Variants in SEMA5A observed in about 807,000 individuals in gnomAD.
SEMA5A encodes the protein semaphorin 5A.
Under a neutral mutation model 135.5 loss-of-function variants are expected in SEMA5A, and 55 were observed. The ratio of observed to expected loss-of-function variants is 0.41; its 90% CI spans 0.33 to 0.51. The LOEUF (loss-of-function observed/expected upper bound fraction) is 0.51, where lower values mean the gene tolerates loss of function less well. Among genes scored for constraint, SEMA5A ranks in the 20% least tolerant of loss-of-function variants. The pLI is 0.37. For synonymous variants in SEMA5A, 580 were observed against 546.5 expected (o/e 1.06, Z -0.85); for missense variants, 1,290 against 1,419.9 (o/e 0.91, Z 1.47).
At chr5:9,385,804 T>TTTA (rs910014440) in intron 2 of SEMA5A, among the ~76,000 whole-genome samples, 1 of 148,996 alleles carries the variant, frequency 6.7e-6, no homozygotes, top group African/African-American at 2.5e-5. Flanking sequence ...CTTTTTTTTT[T>TTTA]TTTTTTTTTT....
rs765589898 is a variant in SEMA5A, at chr5:9,136,655, T to A, written c.1482-34A>T. The A allele has an allele frequency of 3.8e-6, 6 of 1,561,516 alleles. No homozygotes were observed. The African/African-American group carries it at 8.1e-5, about 21-fold the overall frequency. On this transcript the variant is annotated intron_variant, in intron 12 of 22. Coordinates refer to ENST00000382496, the MANE Select transcript of SEMA5A (RefSeq NM_003966.3). The stretch of plus-strand genomic sequence containing the variant: ...ACACACCAAATGGTCAACAGAAAGG[T>A]CGCTTTACCCATGATAAGATACACA...
chr5:9,398,020 C>A (rs576347294), intron 2 of SEMA5A, among the ~76,000 whole-genome samples: 5 of 152,150 alleles, frequency 3.3e-5, no homozygotes, highest in African/African-American at 7.2e-5. Context: ...AGCTGATCCA[C>A]GCTATCATCT....
intron 15 of SEMA5A, among the ~76,000 whole-genome samples, chr5:9,117,149 T>C (rs989816841): frequency 6.6e-6 from 1 of 152,236 alleles, no homozygotes; most frequent in Non-Finnish European, 1.5e-5. Context: ...ACTTGTCATC[T>C]TTATTGAAGA....
intron 1 of SEMA5A, among the ~76,000 whole-genome samples, chr5:9,443,804 G>A (rs1036183624): frequency 1.4e-4 from 22 of 152,382 alleles, no homozygotes; most frequent in African/African-American, 5.3e-4. Flanking sequence ...AACGTCTGCT[G>A]CCAGCTACCA....
At chr5:9,213,376 G>C (rs982166700) in intron 8 of SEMA5A, among the ~76,000 whole-genome samples, 64 of 152,330 alleles carry the variant, frequency 4.2e-4, no homozygotes, top group African/African-American at 1.4e-3. Context: ...CATTGTAGTG[G>C]TGGGAGGAAA....
rs561709475 is a variant in SEMA5A, at chr5:9,236,779, C to T, written c.333+1049G>A. Among the ~76,000 whole-genome samples the T allele has an allele frequency of 9.3e-4, 142 of 152,238 alleles. 2 individuals are homozygous for T. The South Asian group carries it at 0.015, about 16-fold the overall frequency. On this transcript the variant is annotated intron_variant, in intron 6 of 22. Transcript: ENST00000382496. ...CCAAGTGTTTCCCTGGCTAAGACTG[C>T]ATTTTCCTCCTTCTCTTCTTCCTAC...
chr5:9,112,753 A>G (rs907474877), intron 15 of SEMA5A, among the ~76,000 whole-genome samples: 3 of 152,170 alleles, frequency 2.0e-5, no homozygotes, highest in Admixed American at 6.5e-5. Context: ...ACCTTGCGTA[A>G]TCTCCTCCTA....
At chr5:9,366,044 C>A (rs189607768) in intron 3 of SEMA5A, among the ~76,000 whole-genome samples, 2 of 152,290 alleles carry the variant, frequency 1.3e-5, no homozygotes, top group Non-Finnish European at 1.5e-5. Flanking sequence ...CTATCTATTA[C>A]CTGAAGTCAA....
chr5:9,074,973 C>T (rs535291602), intron 16 of SEMA5A, among the ~76,000 whole-genome samples: 129 of 152,262 alleles, frequency 8.5e-4, no homozygotes, highest in Middle Eastern at 3.4e-3. Flanking sequence ...ACAAGACAAA[C>T]TCAGTATATG....
intron 3 of SEMA5A, among the ~76,000 whole-genome samples, chr5:9,353,163 AGGGAAAGG>A (rs1754244513): frequency 1.5e-4 from 5 of 33,828 alleles, no homozygotes; most frequent in African/African-American, 6.8e-4. Context: ...AAAGGAAAGG[AGGGAAAGG>A]AAGGGAAAGG....
intron 5 of SEMA5A, among the ~76,000 whole-genome samples, chr5:9,249,909 G>A (rs552077424): frequency 1.3e-5 from 2 of 152,320 alleles, no homozygotes; most frequent in African/African-American, 2.4e-5. Flanking sequence ...GGACCCCAGG[G>A]TGGGGATTGG....
chr5:9,083,798 C>A (rs1579360869), intron 16 of SEMA5A, among the ~76,000 whole-genome samples: 1 of 152,204 alleles, frequency 6.6e-6, no homozygotes, highest in Non-Finnish European at 1.5e-5. Context: ...AGTTAAGATG[C>A]AAGAGGGACT....
chr5:9,224,469 G>A (rs1747181790), intron 8 of SEMA5A, among the ~76,000 whole-genome samples: 1 of 151,916 alleles, frequency 6.6e-6, no homozygotes, highest in Non-Finnish European at 1.5e-5. Flanking sequence ...CATGGTTAGA[G>A]TGTTGCGAAT....
rs189837574 is a variant in SEMA5A, at chr5:9,388,197, T to C, written c.-77-8174A>G. ...ATATAAAATGGAAAAAAGCAAACAT[T>C]AAACTATTTTATACATTTCAATAAT... is the stretch of plus-strand genomic sequence containing the variant. On this transcript the variant is annotated intron_variant, in intron 2 of 22. Coordinates refer to ENST00000382496, the MANE Select transcript of SEMA5A (RefSeq NM_003966.3). Among the ~76,000 whole-genome samples, 643 of 152,348 alleles carry C rather than the reference T, an allele frequency of 4.2e-3. 3 individuals carry two copies. The highest frequency in any genetic ancestry group is 6.6e-3 in the Non-Finnish European group (448 of 68,028).
At position 9,353,246 on chromosome 5, in the gene SEMA5A, G is replaced by A. The variant is rs868482943; in HGVS notation, c.125-15434C>T. ...GAAAGGAAAGGAAAGGAAGGAAAGG[G>A]AAGGGAAGGGAAGGGAAGCAAAGGA... On this transcript the variant is annotated intron_variant, in intron 3 of 22. Coordinates refer to ENST00000382496, the MANE Select transcript of SEMA5A (RefSeq NM_003966.3). Among the ~76,000 whole-genome samples, 706 of 117,848 alleles carry A rather than the reference G, an allele frequency of 6.0e-3. 33 individuals carry two copies. Among genetic ancestry groups the A allele is most frequent in the African/African-American group, 0.023 (604 of 26,294 alleles). 77.3% of individuals were successfully genotyped at this position (117,848 alleles called of 152,430 possible).
intron 21 of SEMA5A, among the ~76,000 whole-genome samples, chr5:9,047,408 T>A (rs1252468228): frequency 1.3e-5 from 2 of 152,138 alleles, no homozygotes; most frequent in East Asian, 1.9e-4. Context: ...AGACAAAAAA[T>A]TTGAATTGAA....
intron 8 of SEMA5A, among the ~76,000 whole-genome samples, chr5:9,214,956 G>A (rs1805962): frequency 0.54 from 81,432 of 152,058 alleles, 22,032 homozygotes; most frequent in South Asian, 0.62. Flanking sequence ...TGAGACTTGC[G>A]GAGGAGAGAA....
intron 18 of SEMA5A, among the ~76,000 whole-genome samples, chr5:9,054,554 T>A (rs1257036660): frequency 6.6e-6 from 1 of 152,146 alleles, no homozygotes; most frequent in Non-Finnish European, 1.5e-5. Context: ...CGTATCTAAG[T>A]ACAAACATGA....
chr5:9,264,496 A>G (rs991711428), intron 5 of SEMA5A, among the ~76,000 whole-genome samples: 9 of 152,240 alleles, frequency 5.9e-5, no homozygotes, highest in African/African-American at 2.2e-4. Context: ...AAATACAGCC[A>G]TATGCTCCGG....
Sources: gnomAD v4.1 joint callset for allele counts (sites outside exome capture counted in the v4.1 genomes callset) on GRCh38, gnomAD v4.1.1 for gene constraint, MANE v1.5 for transcripts, NCBI Gene and HGNC (gene_info 2026-07-23, HGNC 2026-07-21) for gene names.